Variants in CD99L2 observed in about 807,000 individuals in gnomAD.
The protein encoded by CD99L2 is CD99 antigen-like protein 2.
In CD99L2, 24 loss-of-function variants were observed where a neutral mutation model predicts 27.3. The ratio of observed to expected loss-of-function variants is 0.88; its 90% CI spans 0.64 to 1.24. CD99L2 has a LOEUF of 1.24. CD99L2 is among the 50% of genes most tolerant of loss of function. The probability of loss-of-function intolerance (pLI) is 0.00; values close to 1 mark genes in which losing one functional copy is unlikely to be tolerated. For synonymous variants in CD99L2, 97 were observed against 87.9 expected (o/e 1.10, Z -0.58); for missense variants, 255 against 221.6 (o/e 1.15, Z -0.96).
chrX:150,777,668 T>C (rs1232048610), intron 7 of CD99L2, among the ~76,000 whole-genome samples, 186 bp from the exon 8 acceptor site: 1 of 112,840 alleles, frequency 8.9e-6, no homozygotes, highest in Non-Finnish European at 1.9e-5. Flanking sequence ...GCCTACCACC[T>C]GCAAAGCCCA....
chrX:150,799,513 CA>C (rs112859570), intron 4 of CD99L2, among the ~76,000 whole-genome samples: 10,192 of 75,072 alleles, frequency 0.14, 771 homozygotes, highest in African/African-American at 0.29. Flanking sequence ...GACCCTGTCT[CA>C]AAAAAAAAAA....
chrX:150,849,353 A>G (rs1364502274), intron 1 of CD99L2, among the ~76,000 whole-genome samples: 2 of 109,594 alleles, frequency 1.8e-5, no homozygotes, highest in Non-Finnish European at 3.8e-5. Flanking sequence ...GGAGTTTGAG[A>G]CCAGCCTGAG....
chrX:150,777,540 G>C, intron 7 of CD99L2, 58 bp from the exon 8 acceptor site: 2 of 1,134,500 alleles, frequency 1.8e-6, no homozygotes, highest in Non-Finnish European at 2.4e-6. Context: ...GCTCGAGCTC[G>C]GGCCTCCGCG....
rs782809456 is a variant in CD99L2 at position 150,882,691 on chromosome X, A to C, written c.67+15831T>G. ...ACTCCACCTCAAAAAATAAAAAAAA[A>C]TTATATTCAAAACATGTTTTAACTA... On this transcript the variant is annotated intron_variant, in intron 1 of 10. Transcript: ENST00000370377. Among the ~76,000 whole-genome samples, 150 of 112,359 alleles carry C rather than the reference A, an allele frequency of 1.3e-3. 1 individual carries two copies. Among genetic ancestry groups the C allele is most frequent in the African/African-American group, 4.2e-3 (130 of 30,968 alleles).
chrX:150,862,883 AAAG>A (rs782182686), intron 1 of CD99L2, among the ~76,000 whole-genome samples: 1 of 86,779 alleles, frequency 1.2e-5, no homozygotes. Flanking sequence ...AAAGAAAAAG[AAAG>A]AAAGAAAAGA....
At chrX:150,803,427 C>A (rs1214395069) in intron 4 of CD99L2, among the ~76,000 whole-genome samples, 1 of 111,688 alleles carries the variant, frequency 9.0e-6, no homozygotes, top group Non-Finnish European at 1.9e-5. Flanking sequence ...TAGGCAAAGA[C>A]AAACTTAATC....
chrX:150,770,055 A>AAGGGCAGGGGCC (rs2043414463), intron 10 of CD99L2, among the ~76,000 whole-genome samples: 2 of 113,054 alleles, frequency 1.8e-5, no homozygotes, highest in African/African-American at 6.4e-5. Flanking sequence ...CGGACGAATC[A>AAGGGCAGGGGCC]AGGGCAGGGG....
At chrX:150,830,886 G>A (rs1311229608) in intron 2 of CD99L2, among the ~76,000 whole-genome samples, 3 of 110,472 alleles carry the variant, frequency 2.7e-5, no homozygotes, top group Non-Finnish European at 5.7e-5. Flanking sequence ...TTGGCTCACT[G>A]CAACCTCCAC....
intron 2 of CD99L2, among the ~76,000 whole-genome samples, chrX:150,818,152 T>C (rs1267247059): frequency 2.9e-5 from 3 of 102,217 alleles, no homozygotes; most frequent in East Asian, 3.0e-4. Flanking sequence ...ACAAAAATAG[T>C]TGGAAATTTC....
chrX:150,794,269 G>T (rs186050844), intron 6 of CD99L2, among the ~76,000 whole-genome samples: 4 of 111,349 alleles, frequency 3.6e-5, no homozygotes, highest in South Asian at 3.8e-4. Context: ...TCCTATAGCT[G>T]CAAGGGAATG....
At chrX:150,884,542 G>A (rs189460982) in intron 1 of CD99L2, among the ~76,000 whole-genome samples, 1 of 112,118 alleles carries the variant, frequency 8.9e-6, no homozygotes, top group Non-Finnish European at 1.9e-5. Flanking sequence ...AGCCAGGCAT[G>A]CTGGCATGCA....
intron 4 of CD99L2, among the ~76,000 whole-genome samples, chrX:150,808,502 A>G (rs2046028268): frequency 8.9e-6 from 1 of 111,756 alleles, no homozygotes; most frequent in African/African-American, 3.3e-5. Context: ...TTACTTAAGC[A>G]TGTCCTAGAT....
At chrX:150,818,491 C>T (rs1557420603) in intron 2 of CD99L2, among the ~76,000 whole-genome samples, 1 of 108,983 alleles carries the variant, frequency 9.2e-6, no homozygotes, top group Non-Finnish European at 1.9e-5. Context: ...CACAATTATA[C>T]GGAATTAAAG....
chrX:150,869,636 A>T (rs1433583131), intron 1 of CD99L2, among the ~76,000 whole-genome samples: 1 of 112,100 alleles, frequency 8.9e-6, no homozygotes, highest in Non-Finnish European at 1.9e-5. Flanking sequence ...ACAGCTAGCC[A>T]GTCAGGAGAG....
chrX:150,842,989 T>C (rs1173275638), intron 1 of CD99L2, among the ~76,000 whole-genome samples: 1 of 112,317 alleles, frequency 8.9e-6, no homozygotes, highest in East Asian at 2.8e-4. Context: ...TTACCAAAAC[T>C]CTGTCACCAG....
chrX:150,892,671 T>C (rs1188929759), intron 1 of CD99L2, among the ~76,000 whole-genome samples: 1 of 100,707 alleles, frequency 9.9e-6, no homozygotes, highest in Non-Finnish European at 2.0e-5. Flanking sequence ...AAGGTATCTC[T>C]CCTAAACTCA....
rs141447377 is a variant in CD99L2 at position 150,783,616 on chromosome X, G to A, written c.497-6134C>T. 5.0e-3 allele frequency among the ~76,000 whole-genome samples: 556 copies of A among 111,768 alleles called. 7 individuals carry two copies. Among genetic ancestry groups the A allele is most frequent in the Middle Eastern group, 0.014 (3 of 217 alleles). On this transcript the variant is annotated intron_variant, in intron 7 of 10. Coordinates refer to ENST00000370377, the MANE Select transcript of CD99L2 (RefSeq NM_031462.4). ...TGTAAAAATGTGCCCAATTTGATTC[G>A]AACATTTTCAAAATAATTTTTTTCT...
intron 1 of CD99L2, among the ~76,000 whole-genome samples, chrX:150,894,312 C>T (rs146425821): frequency 2.7e-3 from 306 of 111,835 alleles, no homozygotes; most frequent in African/African-American, 8.8e-3. Flanking sequence ...AGCCAGGTGC[C>T]GTGCTAAATG....
chrX:150,865,369 G>T (rs930205703), intron 1 of CD99L2, among the ~76,000 whole-genome samples: 39 of 111,035 alleles, frequency 3.5e-4, no homozygotes, highest in South Asian at 3.9e-4. Context: ...TGGCAGGGTG[G>T]GGGTATGCCT....
Sources: gnomAD v4.1 joint callset for allele counts (sites outside exome capture counted in the v4.1 genomes callset) on GRCh38, gnomAD v4.1.1 for gene constraint, MANE v1.5 for transcripts, NCBI Gene and HGNC (gene_info 2026-07-23, HGNC 2026-07-21) for gene names.